Variants in ZNF680 observed in about 807,000 individuals in gnomAD.
ZNF680 encodes zinc finger protein 680.
Under a neutral mutation model 12.1 loss-of-function variants are expected in ZNF680, and 6 were observed. The ratio of observed to expected loss-of-function variants is 0.49; its 90% CI spans 0.27 to 0.98. The LOEUF (loss-of-function observed/expected upper bound fraction) is 0.98, where lower values mean the gene tolerates loss of function less well. Ranked by LOEUF, ZNF680 falls within the 50% of genes least tolerant of loss-of-function variation. ZNF680 has a pLI of 0.12. For missense variants in ZNF680, 561 were observed against 616.3 expected (o/e 0.91, Z 0.95); for synonymous variants, 170 against 199.3 (o/e 0.85, Z 1.24).
intron 1 of ZNF680, among the ~76,000 whole-genome samples, chr7:64,555,471 T>C (rs1200674349): frequency 3.3e-5 from 5 of 151,744 alleles, no homozygotes; most frequent in African/African-American, 1.2e-4. Context: ...AGAACAAAGA[T>C]ACAACATACC....
chr7:64,522,845 A>C (rs1260803878), intron 3 of ZNF680, among the ~76,000 whole-genome samples: 1 of 152,028 alleles, frequency 6.6e-6, no homozygotes, highest in East Asian at 1.9e-4. Flanking sequence ...TGCAGGCAAG[A>C]AAAGAAGTGT....
chr7:64,501,510 GGTAA>G, the ZNF680 span: 20 of 791,940 alleles, frequency 2.5e-5, 1 homozygote, highest in South Asian at 8.2e-5. Flanking sequence ...GATGAAGAAC[GGTAA>G]GTGAGAAGAG....
chr7:64,557,982 G>A (rs972134149), intron 1 of ZNF680, among the ~76,000 whole-genome samples: 11 of 152,114 alleles, frequency 7.2e-5, no homozygotes, highest in African/African-American at 2.2e-4. Context: ...ATAACAACTC[G>A]CACGTTTACC....
At chr7:64,505,558 T>C in the ZNF680 span, among the ~76,000 whole-genome samples, 1 of 152,160 alleles carries the variant, frequency 6.6e-6, no homozygotes, top group Admixed American at 6.5e-5. Context: ...CTGATTTAAT[T>C]ATAGTAAGAA....
chr7:64,528,322 G>A (rs558325477), intron 3 of ZNF680, among the ~76,000 whole-genome samples: 33 of 152,308 alleles, frequency 2.2e-4, no homozygotes, highest in Middle Eastern at 6.8e-3. Flanking sequence ...GGCAAAGGGC[G>A]AGAATCCATC....
intron 1 of ZNF680, chr7:64,551,920 G>C (rs1013671462): frequency 5.3e-5 from 8 of 152,170 alleles, no homozygotes; most frequent in African/African-American, 1.9e-4. Flanking sequence ...GCTACTCTCA[G>C]CATGAGAAAC....
the ZNF680 span, among the ~76,000 whole-genome samples, chr7:64,502,810 ATC>A: frequency 6.6e-6 from 1 of 152,170 alleles, no homozygotes; most frequent in Non-Finnish European, 1.5e-5. Context: ...CGAATAATAT[ATC>A]TGTTAAGGCA....
At chr7:64,557,914 A>G (rs1405043993) in intron 1 of ZNF680, among the ~76,000 whole-genome samples, 2 of 152,178 alleles carry the variant, frequency 1.3e-5, no homozygotes, top group Non-Finnish European at 2.9e-5. Flanking sequence ...TATGCTATGC[A>G]TAGTACCTCA....
At chr7:64,544,730 C>A (rs1280293154) in intron 1 of ZNF680, among the ~76,000 whole-genome samples, 2 of 151,930 alleles carry the variant, frequency 1.3e-5, no homozygotes, top group Non-Finnish European at 2.9e-5. Flanking sequence ...TTTTTGAGTG[C>A]TATATTTACA....
Position 64,522,410 on chromosome 7 carries a change from C to T in ZNF680, c.344G>A (p.Cys115Tyr). The change falls in exon 4 of 4, where the codon TGT (cysteine) becomes TAT (tyrosine). Residue 115 changes from cysteine (C) to tyrosine (Y), a missense_variant. By Grantham distance (194) the Cys-to-Tyr change is radical. Transcript: ENST00000309683. ...TCTTAATTGTAAATTCTCATGTCCA[C>T]ATTTTCCATATCCTCTCAGTATCAC... ...QKVILRGYGKCGHENLQLRIS... is the reference protein window; with the variant it reads ...QKVILRGYGKYGHENLQLRIS... 1 of 1,611,618 alleles carries T rather than the reference C, an allele frequency of 6.2e-7. No individual in the cohort carries two copies. Among genetic ancestry groups the T allele is most frequent in the Non-Finnish European group, 8.5e-7 (1 of 1,178,836 alleles).
At chr7:64,529,674 A>C (rs1048981038) in intron 3 of ZNF680, among the ~76,000 whole-genome samples, 1 of 152,146 alleles carries the variant, frequency 6.6e-6, no homozygotes, top group Non-Finnish European at 1.5e-5. Flanking sequence ...CCTAAGAATA[A>C]TTGGCATTTG....
At chr7:64,505,784 T>TTTC in the ZNF680 span, among the ~76,000 whole-genome samples, 1 of 151,974 alleles carries the variant, frequency 6.6e-6, no homozygotes, top group African/African-American at 2.4e-5. Flanking sequence ...TTTTTTTTTT[T>TTTC]CCTCTGCCAT....
chr7:64,547,117 C>T (rs1786827554), intron 1 of ZNF680, among the ~76,000 whole-genome samples: 1 of 152,092 alleles, frequency 6.6e-6, no homozygotes, highest in African/African-American at 2.4e-5. Context: ...GTCTCTCAAG[C>T]TTTAATGAGC....
Position 64,552,472 on chromosome 7 carries a change from T to C in ZNF680, c.31-8040A>G, listed in dbSNP as rs1435611030. On this transcript the variant is annotated intron_variant, in intron 1 of 3. Coordinates refer to ENST00000309683, the MANE Select transcript of ZNF680 (RefSeq NM_178558.5). Reference sequence around the variant, plus strand: ...ATAGTTTTCTGGTGGTCACATCATTTGTGTTTATTTGTCCTTTAATAGCAG... The same window carrying C: ...ATAGTTTTCTGGTGGTCACATCATTCGTGTTTATTTGTCCTTTAATAGCAG... Among the ~76,000 whole-genome samples, 6 of 152,346 alleles carry C rather than the reference T, an allele frequency of 3.9e-5. No individual in the cohort carries two copies. The East Asian group carries it at 1.2e-3, about 29-fold the overall frequency.
chr7:64,530,762 G>A (rs1048339392), intron 3 of ZNF680, among the ~76,000 whole-genome samples: 2 of 151,878 alleles, frequency 1.3e-5, no homozygotes, highest in African/African-American at 4.8e-5. Context: ...GGGAGGCTGA[G>A]GAGGAGAACT....
chr7:64,510,559 C>G, the ZNF680 span, among the ~76,000 whole-genome samples: 3 of 152,030 alleles, frequency 2.0e-5, no homozygotes, highest in African/African-American at 7.2e-5. Flanking sequence ...TGTGCCCCAA[C>G]TGAGGGGGTC....
chr7:64,503,345 A>G, the ZNF680 span, among the ~76,000 whole-genome samples: 1 of 144,808 alleles, frequency 6.9e-6, no homozygotes, highest in African/African-American at 2.5e-5. Flanking sequence ...GAGAAAACAG[A>G]TTCTGCTATT....
chr7:64,561,162 T>C (rs1414220494), intron 1 of ZNF680: 3 of 153,962 alleles, frequency 1.9e-5, no homozygotes, highest in African/African-American at 7.2e-5. Flanking sequence ...AAGACAATCT[T>C]AATGTCTCAA....
At chr7:64,514,010 A>G in the ZNF680 span, among the ~76,000 whole-genome samples, 2 of 152,156 alleles carry the variant, frequency 1.3e-5, no homozygotes, top group East Asian at 1.9e-4. Context: ...TTAAATCATC[A>G]TTTTAGCAAA....
Sources: gnomAD v4.1 joint callset for allele counts (sites outside exome capture counted in the v4.1 genomes callset) on GRCh38, gnomAD v4.1.1 for gene constraint, MANE v1.5 for transcripts, NCBI Gene and HGNC (gene_info 2026-07-23, HGNC 2026-07-21) for gene names.